ZFHX4: variants seen among roughly 807,000 people sequenced by gnomAD.
ZFHX4 encodes the protein zinc finger homeobox 4, also known as zinc finger homeobox protein 4.
ZFHX4 carries 56 observed loss-of-function variants against 267.6 expected under a neutral mutation model. The ratio of observed to expected loss-of-function variants is 0.21; its 90% CI spans 0.17 to 0.26. ZFHX4 has a LOEUF of 0.26. ZFHX4 is among the 10% of genes least tolerant of loss of function. ZFHX4 has a pLI of 1.00. For missense variants in ZFHX4, 4,332 were observed against 4,420.0 expected, an observed-to-expected ratio of 0.98 and a Z score of 0.56; for synonymous variants, 1,778 against 1,665.6, an observed-to-expected ratio of 1.07 and a Z score of -1.64.
intron 3 of ZFHX4, among the ~76,000 whole-genome samples, chr8:76,747,933 AAAACAAACAAAC>A (rs138245942): frequency 9.9e-5 from 15 of 150,832 alleles, no homozygotes; most frequent in African/African-American, 2.5e-4. Flanking sequence ...GCTCTATCTC[AAAACAAACAAAC>A]AAACAAACAA....
chr8:76,683,777 A>G (rs900560055), intron 1 of ZFHX4: 7 of 151,090 alleles, frequency 4.6e-5, no homozygotes, highest in African/African-American at 1.7e-4. Context: ...GTTAAAGCTC[A>G]TATGTAGTAT....
At chr8:76,808,559 G>A (rs1282791973) in intron 4 of ZFHX4, among the ~76,000 whole-genome samples, 1 of 152,120 alleles carries the variant, frequency 6.6e-6, no homozygotes, top group Non-Finnish European at 1.5e-5. Flanking sequence ...TAAGTGTATC[G>A]ATAAATGTAC....
intron 3 of ZFHX4, among the ~76,000 whole-genome samples, chr8:76,737,417 A>G (rs1349885692): frequency 1.3e-5 from 2 of 152,182 alleles, no homozygotes; most frequent in Admixed American, 1.3e-4. Context: ...AATTACCTGT[A>G]TAGACTAAGA....
chr8:76,749,281 C>T (rs1809552277), intron 3 of ZFHX4, among the ~76,000 whole-genome samples: 1 of 152,056 alleles, frequency 6.6e-6, no homozygotes, highest in Non-Finnish European at 1.5e-5. Flanking sequence ...GTTTCCTGTC[C>T]CAGCTGTCTG....
intron 3 of ZFHX4, among the ~76,000 whole-genome samples, chr8:76,776,497 A>G (rs1315537828): frequency 6.6e-6 from 1 of 152,120 alleles, no homozygotes; most frequent in Admixed American, 6.6e-5. Context: ...TTTGAAAGGC[A>G]CAGAAATGTT....
At chr8:76,698,612 A>G (rs1259999859) in intron 1 of ZFHX4, among the ~76,000 whole-genome samples, 2 of 152,062 alleles carry the variant, frequency 1.3e-5, no homozygotes, top group African/African-American at 4.8e-5. Flanking sequence ...GAAGAAGACT[A>G]TCAATCACAG....
intron 3 of ZFHX4, among the ~76,000 whole-genome samples, chr8:76,712,721 G>T (rs1370906484): frequency 1.3e-5 from 2 of 152,050 alleles, no homozygotes; most frequent in Non-Finnish European, 2.9e-5. Flanking sequence ...ATAAACAAAA[G>T]TTATTCTTTT....
At position 76,853,624 on chromosome 8, in the gene ZFHX4, G is replaced by A. The variant is rs1812611363; in HGVS notation, c.6703G>A (p.Asp2235Asn). 1 of 1,613,714 alleles carries A rather than the reference G, an allele frequency of 6.2e-7. No individual in the cohort carries two copies. Among genetic ancestry groups the A allele is most frequent in the South Asian group, 1.1e-5 (1 of 91,074 alleles). ...AAGGTCTTCTAGAACGAGATTTACT[G>A]ACTACCAGCTTAGGGTTCTGCAAGA... ...SKRSSRTRFT[D>N]YQLRVLQDFF... The change falls in exon 10 of 11, where the codon GAC becomes AAC. Residue 2235 changes from aspartate (D) to asparagine (N), a missense_variant. Physicochemically the swap from Asp to Asn is conservative, Grantham distance 23. Around this residue, in one of 7 missense-constraint regions of ZFHX4, gnomAD observed 62 missense variants for 69.8 expected, o/e 0.89. Coordinates refer to ENST00000651372, the MANE Select transcript of ZFHX4 (RefSeq NM_024721.5).
In ZFHX4 at chr8:76,707,842, A is replaced by G; in HGVS notation, c.2887A>G (p.Lys963Glu). 1 of 1,614,188 alleles carries G rather than the reference A, an allele frequency of 6.2e-7. No individual in the cohort carries two copies. Among genetic ancestry groups the G allele is most frequent in the Non-Finnish European group, 8.5e-7 (1 of 1,180,000 alleles). ...CAAAGCCAACTTCCAGCTACACTGC[A>G]AGACTGATAAACATATGCAGAAATA... ...QLKANFQLHC[K>E]TDKHMQKYQL... The change falls in exon 3 of 11, where the codon AAG becomes GAG. Residue 963 changes from lysine (K) to glutamate (E), a missense_variant. Lys to Glu is a moderately conservative substitution (Grantham distance 56). Around this residue, in one of 7 missense-constraint regions of ZFHX4, gnomAD observed 1,371 missense variants for 1,423.1 expected, o/e 0.96. Coordinates refer to ENST00000651372, the MANE Select transcript of ZFHX4 (RefSeq NM_024721.5).
Position 76,705,870 on chromosome 8 carries a change from C to A in ZFHX4, c.1782C>A (p.Thr594=), listed in dbSNP as rs544982794. Residue 594 remains threonine (T), a synonymous_variant, in exon 2 of 11, where the codon ACC becomes ACA. Coordinates refer to ENST00000651372, the MANE Select transcript of ZFHX4 (RefSeq NM_024721.5). ...SSATPHQHGF[T]PSTPGTPGPG... ...CCACTCCTCACCAGCATGGCTTTAC[C>A]CCGAGTACTCCTGGCACACCAGGGC... 2.5e-6 allele frequency: 4 copies of A among 1,613,590 alleles called. No individual in the cohort carries two copies. In the African/African-American group the frequency reaches 5.3e-5, roughly 22 times the overall value.
chr8:76,806,770 A>T (rs570455860), intron 4 of ZFHX4, among the ~76,000 whole-genome samples: 1 of 152,202 alleles, frequency 6.6e-6, no homozygotes, highest in South Asian at 2.1e-4. Flanking sequence ...TAAAATCCAA[A>T]ATGTTTTTGA....
intron 10 of ZFHX4, among the ~76,000 whole-genome samples, chr8:76,861,162 C>A (rs1812856457): frequency 6.6e-6 from 1 of 152,036 alleles, no homozygotes; most frequent in Non-Finnish European, 1.5e-5. Flanking sequence ...AATGTGTGAG[C>A]CATTCTTCAG....
intron 5 of ZFHX4, chr8:76,833,628 T>G: frequency 2.2e-6 from 1 of 449,242 alleles, no homozygotes; most frequent in Non-Finnish European, 4.1e-6. Flanking sequence ...CACAGCAAAT[T>G]TCCCCAATAC....
chr8:76,711,059 G>T lies in ZFHX4; in HGVS notation c.3093+3011G>T, dbSNP rs531787515. 5.9e-5 allele frequency among the ~76,000 whole-genome samples: 9 copies of T among 152,116 alleles called. No individual in the cohort carries two copies. The South Asian group carries it at 1.7e-3, about 28-fold the overall frequency. On this transcript the variant is annotated intron_variant, in intron 3 of 10. Transcript: ENST00000651372. ...TTAAGGTAGAAGGCTTGTGGGTTAT[G>T]GTATTTTGGCAAAGAACCCAGAGGC...
intron 3 of ZFHX4, among the ~76,000 whole-genome samples, chr8:76,739,365 G>T (rs1449984318): frequency 9.2e-5 from 14 of 152,050 alleles, no homozygotes; most frequent in Non-Finnish European, 7.4e-5. Context: ...TGATAACCTT[G>T]GTTCTAAGAG....
chr8:76,847,625 T>C (rs1812398368), intron 6 of ZFHX4, among the ~76,000 whole-genome samples: 1 of 152,166 alleles, frequency 6.6e-6, no homozygotes, highest in Non-Finnish European at 1.5e-5. Flanking sequence ...ATTTTAATTT[T>C]GATCTGCATG....
chr8:76,716,998 C>T (rs1034313497), intron 3 of ZFHX4, among the ~76,000 whole-genome samples: 3 of 152,222 alleles, frequency 2.0e-5, no homozygotes, highest in Admixed American at 2.0e-4. Context: ...AAATGGTACC[C>T]TGCTGACCTG....
intron 4 of ZFHX4, among the ~76,000 whole-genome samples, chr8:76,796,060 T>G (rs1810972954): frequency 6.6e-6 from 1 of 152,114 alleles, no homozygotes; most frequent in Non-Finnish European, 1.5e-5. Flanking sequence ...AAATATTAAT[T>G]TATAGAAAGT....
At chr8:76,694,671 C>G (rs893144714) in intron 1 of ZFHX4, among the ~76,000 whole-genome samples, 1 of 123,848 alleles carries the variant, frequency 8.1e-6, no homozygotes, top group African/African-American at 3.0e-5. Flanking sequence ...ACCCGCCCCC[C>G]ACCCTCCGCC....
Sources: gnomAD v4.1 joint callset for allele counts (sites outside exome capture counted in the v4.1 genomes callset) on GRCh38, gnomAD v4.1.1 for gene constraint, gnomAD v4.1.1 regional missense constraint, MANE v1.5 for transcripts, NCBI Gene and HGNC (gene_info 2026-07-23, HGNC 2026-07-21) for gene names.